GABRG3: variants seen among roughly 807,000 people sequenced by gnomAD.
GABRG3 encodes the protein gamma-aminobutyric acid type A receptor subunit gamma3, also known as gamma-aminobutyric acid receptor subunit gamma-3.
GABRG3 carries 25 observed loss-of-function variants against 48.8 expected under a neutral mutation model. The ratio of observed to expected loss-of-function variants is 0.51; its 90% confidence interval spans 0.37 to 0.72. The LOEUF (loss-of-function observed/expected upper bound fraction) is 0.72. Ranked by LOEUF, GABRG3 falls within the 30% of genes least tolerant of loss-of-function variation. The pLI is 0.00. For synonymous variants in GABRG3, 227 were observed against 217.6 expected, an observed-to-expected ratio of 1.04 and a Z score of -0.38; for missense variants, 394 against 577.9, an observed-to-expected ratio of 0.68 and a Z score of 3.26.
intron 3 of GABRG3, among the ~76,000 whole-genome samples, chr15:27,039,482 G>A (rs1896237391): frequency 6.6e-6 from 1 of 152,168 alleles, no homozygotes; most frequent in Non-Finnish European, 1.5e-5. Flanking sequence ...GTCCCTGCAT[G>A]CTGCTCAGCA....
intron 3 of GABRG3, among the ~76,000 whole-genome samples, chr15:27,070,810 A>G (rs1331440333): frequency 2.6e-5 from 4 of 152,192 alleles, no homozygotes; most frequent in African/African-American, 9.7e-5. Flanking sequence ...TCAGTGATGG[A>G]TGGTCACATC....
At chr15:27,493,669 G>C (rs934050827) in intron 6 of GABRG3, among the ~76,000 whole-genome samples, 2 of 152,144 alleles carry the variant, frequency 1.3e-5, no homozygotes, top group Non-Finnish European at 2.9e-5. Flanking sequence ...AGATTGCTCT[G>C]AAGTTAAAAA....
At chr15:27,077,470 G>T (rs930099326) in intron 3 of GABRG3, among the ~76,000 whole-genome samples, 2 of 152,044 alleles carry the variant, frequency 1.3e-5, no homozygotes, top group African/African-American at 4.8e-5. Context: ...ATTCTGGGGT[G>T]CATTATCTTT....
At chr15:27,122,090 TAACTA>T (rs1897741147) in intron 3 of GABRG3, among the ~76,000 whole-genome samples, 1 of 152,162 alleles carries the variant, frequency 6.6e-6, no homozygotes, top group Non-Finnish European at 1.5e-5. Context: ...CATTTTAAAA[TAACTA>T]AAAGAGTGTA....
intron 2 of GABRG3, among the ~76,000 whole-genome samples, chr15:26,999,385 A>G (rs531122076): frequency 6.6e-6 from 1 of 152,266 alleles, no homozygotes; most frequent in East Asian, 1.9e-4. Flanking sequence ...TCCCCTGCCA[A>G]TACCAAAGGA....
chr15:27,280,594 T>G (rs1891401316), intron 3 of GABRG3, among the ~76,000 whole-genome samples: 1 of 152,236 alleles, frequency 6.6e-6, no homozygotes, highest in East Asian at 1.9e-4. Context: ...GACCCATAAG[T>G]TATTTAGAAG....
chr15:27,153,311 G>A (rs1055564351), intron 3 of GABRG3, among the ~76,000 whole-genome samples: 1 of 152,040 alleles, frequency 6.6e-6, no homozygotes, highest in African/African-American at 2.4e-5. Flanking sequence ...CTCTTTTTGT[G>A]TAGGCAGTTT....
chr15:27,370,456 T>C (rs1895372133), intron 5 of GABRG3, among the ~76,000 whole-genome samples: 1 of 152,214 alleles, frequency 6.6e-6, no homozygotes, highest in Non-Finnish European at 1.5e-5. Flanking sequence ...GTCTCCTACC[T>C]GTTTGGGTCA....
At chr15:27,531,723 A>G (rs912946717) in intron 9 of GABRG3, among the ~76,000 whole-genome samples, 1 of 152,262 alleles carries the variant, frequency 6.6e-6, no homozygotes, top group African/African-American at 2.4e-5. Flanking sequence ...TGCACACTTC[A>G]TAGTTTTTTA....
chr15:26,983,689 G>A (rs1895097420), intron 2 of GABRG3, among the ~76,000 whole-genome samples: 1 of 152,140 alleles, frequency 6.6e-6, no homozygotes, highest in South Asian at 2.1e-4. Context: ...CAGGAGGATG[G>A]CTTGAGTCCA....
At chr15:27,088,450 G>A (rs1298239795) in intron 3 of GABRG3, among the ~76,000 whole-genome samples, 1 of 152,156 alleles carries the variant, frequency 6.6e-6, no homozygotes, top group African/African-American at 2.4e-5. Context: ...GCCAACTGGG[G>A]AGGCTGTGTG....
At position 27,519,966 on chromosome 15, in the gene GABRG3, T is replaced by C. The variant is rs773420079; in HGVS notation, c.713-6T>C. ...TTGTCTTAATTTTGACAATATTTTA[T>C]TACAGGTGATTATGTTGTCATGACT... On this transcript the variant is annotated splice_polypyrimidine_tract_variant and splice_region_variant and intron_variant, in intron 6 of 9. Coordinates refer to ENST00000615808, the MANE Select transcript of GABRG3 (RefSeq NM_033223.5). 4.0e-6 allele frequency: 6 copies of C among 1,503,370 alleles called. No individual in the cohort carries two copies. The highest frequency in any genetic ancestry group is 1.3e-5 in the South Asian group (1 of 76,896). The allele number at this position is 1,503,370 out of a possible 1,614,324, so 93.1% of individuals were successfully genotyped here.
At chr15:27,110,930 T>C (rs1897538383) in intron 3 of GABRG3, among the ~76,000 whole-genome samples, 1 of 152,224 alleles carries the variant, frequency 6.6e-6, no homozygotes, top group Non-Finnish European at 1.5e-5. Flanking sequence ...ATTTGGTGTC[T>C]GTCACTACTT....
chr15:27,521,749 G>T (rs1174867517), intron 7 of GABRG3, among the ~76,000 whole-genome samples: 1 of 151,960 alleles, frequency 6.6e-6, no homozygotes, highest in Non-Finnish European at 1.5e-5. Context: ...AGAGCAGATT[G>T]AAGATGGCAG....
chr15:27,312,829 TA>T (rs1422669217), intron 3 of GABRG3, among the ~76,000 whole-genome samples: 2 of 151,066 alleles, frequency 1.3e-5, no homozygotes, highest in African/African-American at 4.9e-5. Flanking sequence ...CATAAGAAAA[TA>T]AAAAAATCTC....
intron 3 of GABRG3, among the ~76,000 whole-genome samples, chr15:27,119,155 G>A (rs1471106949): frequency 6.6e-6 from 1 of 152,110 alleles, no homozygotes; most frequent in Non-Finnish European, 1.5e-5. Flanking sequence ...ACCTTGCTAA[G>A]TTCTCCCTGT....
chr15:27,063,903 C>T (rs1896693878), intron 3 of GABRG3, among the ~76,000 whole-genome samples: 1 of 152,188 alleles, frequency 6.6e-6, no homozygotes, highest in Non-Finnish European at 1.5e-5. Flanking sequence ...CACACCCCTT[C>T]TCCTTTTGCC....
intron 5 of GABRG3, among the ~76,000 whole-genome samples, chr15:27,355,724 T>C (rs935735756): frequency 6.6e-6 from 1 of 152,218 alleles, no homozygotes; most frequent in African/African-American, 2.4e-5. Flanking sequence ...GAAACCCAGA[T>C]GTCTATCGCT....
At chr15:27,305,552 T>C (rs1301291146) in intron 3 of GABRG3, among the ~76,000 whole-genome samples, 1 of 143,518 alleles carries the variant, frequency 7.0e-6, no homozygotes, top group African/African-American at 2.6e-5. Flanking sequence ...TATATAAACA[T>C]AATATAAACC....
Sources: allele counts gnomAD v4.1 joint callset (sites outside exome capture counted in the v4.1 genomes callset), GRCh38; gene constraint gnomAD v4.1.1; transcripts MANE v1.5; gene names NCBI Gene and HGNC (gene_info 2026-07-23, HGNC 2026-07-21).